Variants in RPS6KA2 observed in about 807,000 individuals in gnomAD.
RPS6KA2 encodes the protein ribosomal protein S6 kinase A2.
Under a neutral mutation model 91.8 loss-of-function variants are expected in RPS6KA2, and 42 were observed. The ratio of observed to expected loss-of-function variants is 0.46; its 90% CI spans 0.36 to 0.59. RPS6KA2 has a LOEUF of 0.59. RPS6KA2 is among the 20% of genes least tolerant of loss of function. The pLI is 0.00. For synonymous variants in RPS6KA2, 414 were observed against 393.6 expected, an observed-to-expected ratio of 1.05 and a Z score of -0.61; for missense variants, 798 against 978.5, an observed-to-expected ratio of 0.82 and a Z score of 2.46.
chr6:166,820,903 C>T (rs1779890500), intron 2 of RPS6KA2, among the ~76,000 whole-genome samples: 1 of 152,166 alleles, frequency 6.6e-6, no homozygotes, highest in Non-Finnish European at 1.5e-5. Flanking sequence ...AGTTTAGGAA[C>T]ATTATGTAAA....
At chr6:166,428,152 T>C (rs868577824) in intron 16 of RPS6KA2, among the ~76,000 whole-genome samples, 105 of 152,118 alleles carry the variant, frequency 6.9e-4, no homozygotes, top group Middle Eastern at 6.8e-3. Flanking sequence ...TAACGCCGCT[T>C]ATCTACAACT....
At chr6:166,713,735 G>C (rs142345126) in intron 2 of RPS6KA2, among the ~76,000 whole-genome samples, 2 of 152,164 alleles carry the variant, frequency 1.3e-5, no homozygotes, top group Admixed American at 1.3e-4. Flanking sequence ...ACAAAACTGC[G>C]CTTTGTGAAA....
chr6:166,595,050 A>C (rs1402134055), intron 1 of RPS6KA2, among the ~76,000 whole-genome samples: 4 of 135,224 alleles, frequency 3.0e-5, no homozygotes, highest in African/African-American at 1.1e-4. Context: ...GAAATGAATA[A>C]TTTTTTTTTG....
At chr6:166,642,088 T>C (rs1787455702) in intron 2 of RPS6KA2, among the ~76,000 whole-genome samples, 1 of 151,756 alleles carries the variant, frequency 6.6e-6, no homozygotes, top group Non-Finnish European at 1.5e-5. Flanking sequence ...AAGAAAATGA[T>C]ACCTAAATAC....
intron 2 of RPS6KA2, among the ~76,000 whole-genome samples, chr6:166,785,868 G>A (rs183326003): frequency 4.5e-4 from 68 of 152,258 alleles, no homozygotes; most frequent in African/African-American, 1.5e-3. Context: ...TTGCCAAAAA[G>A]ATTTTTTACC....
At chr6:166,860,860 TG>T (rs950557115) in intron 1 of RPS6KA2, among the ~76,000 whole-genome samples, 3 of 152,284 alleles carry the variant, frequency 2.0e-5, no homozygotes, top group Admixed American at 6.5e-5. Context: ...AGTAAGGGAA[TG>T]GATCTTTCCA....
rs1443189716 is a variant in RPS6KA2, at chr6:166,732,996, A to G, written c.123+125204T>C. The stretch of plus-strand genomic sequence containing the variant: ...TGCAGGGTGGGAGGCAGGGGTGCAC[A>G]CTTATGCATTTGCCCAGTTTTGCAT... On this transcript the variant is annotated intron_variant, in intron 2 of 21. Transcript: ENST00000503859. This position sits in a 1 kb window ranked among gnomAD's most constrained non-coding sequence, Gnocchi z 4.0. Among the ~76,000 whole-genome samples, 3 of 152,284 alleles carry G rather than the reference A, an allele frequency of 2.0e-5. No individual in the cohort carries two copies. The East Asian group carries it at 5.8e-4, about 29-fold the overall frequency.
At chr6:166,571,937 T>C (rs570584325) in intron 1 of RPS6KA2, among the ~76,000 whole-genome samples, 1 of 152,204 alleles carries the variant, frequency 6.6e-6, no homozygotes, top group Non-Finnish European at 1.5e-5. Context: ...GCATTATTTA[T>C]AGTGAAGAAC....
chr6:166,679,480 A>G (rs1788719581), intron 2 of RPS6KA2, among the ~76,000 whole-genome samples: 2 of 152,150 alleles, frequency 1.3e-5, no homozygotes, highest in Non-Finnish European at 2.9e-5. Flanking sequence ...AATAATAATA[A>G]TAAATAAATA....
chr6:166,442,607 G>A (rs191752532), intron 14 of RPS6KA2, among the ~76,000 whole-genome samples: 1 of 152,046 alleles, frequency 6.6e-6, no homozygotes, highest in Non-Finnish European at 1.5e-5. Flanking sequence ...TCTATCTAAC[G>A]CCTGCAGCTC....
intron 5 of RPS6KA2, among the ~76,000 whole-genome samples, chr6:166,507,389 C>CAT (rs541782082): frequency 6.7e-6 from 1 of 150,048 alleles, no homozygotes; most frequent in African/African-American, 2.5e-5. Flanking sequence ...CACACACACA[C>CAT]CCACCCCACA....
At chr6:166,540,409 A>G (rs1204366734) in intron 1 of RPS6KA2, among the ~76,000 whole-genome samples, 2 of 151,806 alleles carry the variant, frequency 1.3e-5, no homozygotes, top group African/African-American at 4.8e-5. Context: ...TTTCGTCTCC[A>G]TATCTTCAAG....
At chr6:166,717,220 G>A (rs552251595) in intron 2 of RPS6KA2, among the ~76,000 whole-genome samples, 15 of 152,324 alleles carry the variant, frequency 9.8e-5, no homozygotes, top group African/African-American at 3.1e-4. Context: ...TGGAGGCATC[G>A]CCATTGCTGG....
chr6:166,456,357 G>A (rs2128458571), intron 12 of RPS6KA2, among the ~76,000 whole-genome samples: 1 of 152,246 alleles, frequency 6.6e-6, no homozygotes, highest in African/African-American at 2.4e-5. Flanking sequence ...CCGATTTTCA[G>A]CACAGTATTT....
At chr6:166,680,423 C>T (rs1175116813) in intron 2 of RPS6KA2, among the ~76,000 whole-genome samples, 1 of 152,182 alleles carries the variant, frequency 6.6e-6, no homozygotes, top group Admixed American at 6.5e-5. Context: ...GCCGCCCCAG[C>T]CAGGAGACCT....
In RPS6KA2 at chr6:166,461,754, G is replaced by C. The variant is rs556567521; in HGVS notation, c.973-2203C>G. On this transcript the variant is annotated intron_variant, in intron 11 of 20. Transcript: ENST00000265678. ...GGTTGTCACGTATTCATTCCAGTGT[G>C]AAGTGTTTACCTCCGGAAAGCAGGG... Among the ~76,000 whole-genome samples, 396 of 152,338 alleles carry C rather than the reference G, an allele frequency of 2.6e-3. 2 individuals carry two copies. The highest frequency in any genetic ancestry group is 9.1e-3 in the African/African-American group (377 of 41,582).
At chr6:166,841,346 AG>A (rs1349878174) in intron 2 of RPS6KA2, among the ~76,000 whole-genome samples, 1 of 152,292 alleles carries the variant, frequency 6.6e-6, no homozygotes, top group Non-Finnish European at 1.5e-5. Flanking sequence ...CCATGTCTGC[AG>A]CTTCAGCGCT....
intron 1 of RPS6KA2, among the ~76,000 whole-genome samples, chr6:166,551,858 G>T (rs182640307): frequency 2.0e-5 from 3 of 152,280 alleles, no homozygotes. Flanking sequence ...GCAAACATGC[G>T]GTAGGCTTTG....
chr6:166,411,222 T>A lies in RPS6KA2; in HGVS notation c.*1540A>T, dbSNP rs373435228. 3.9e-5 allele frequency: 6 copies of A among 152,136 alleles called. No homozygotes were observed. The highest frequency in any genetic ancestry group is 2.1e-4 in the South Asian group (1 of 4,828). 9.4% of individuals were successfully genotyped at this position (152,136 alleles called of 1,614,324 possible). ...AACGCAGCACATTTTTTCTTTATTT[T>A]TTTTTTTTTAGTTGGGTACGAGAAT... On this transcript the variant is annotated 3_prime_UTR_variant, in exon 21 of 21. Coordinates refer to ENST00000265678, the MANE Select transcript of RPS6KA2 (RefSeq NM_021135.6). The surrounding 1 kb of genome is among the most constrained non-coding windows in gnomAD (Gnocchi z 4.5).
Sources: gnomAD v4.1 joint callset for allele counts (sites outside exome capture counted in the v4.1 genomes callset) on GRCh38, gnomAD v4.1.1 for gene constraint, Gnocchi (gnomAD v3.1) non-coding constraint, MANE v1.5 for transcripts, NCBI Gene and HGNC (gene_info 2026-07-23, HGNC 2026-07-21) for gene names.